DMD: variants seen among roughly 807,000 people sequenced by gnomAD.
DMD encodes dystrophin.
A neutral mutation model predicts 330.1 loss-of-function variants in DMD; 63 were observed. The ratio of observed to expected loss-of-function variants is 0.19; its 90% confidence interval spans 0.16 to 0.24. The LOEUF (loss-of-function observed/expected upper bound fraction) is 0.24, where lower values mean the gene tolerates loss of function less well. DMD is among the 10% of genes least tolerant of loss of function. The pLI, the probability that DMD is intolerant of heterozygous loss-of-function variation, is 1.00. For missense variants in DMD, 3,344 were observed against 2,684.1 expected (o/e 1.25, Z -5.43); for synonymous variants, 1,223 against 959.8 (o/e 1.27, Z -5.07).
At chrX:32,607,799 T>G (rs2056855575) in intron 12 of DMD, among the ~76,000 whole-genome samples, 1 of 110,764 alleles carries the variant, frequency 9.0e-6, no homozygotes, top group South Asian at 3.7e-4. Context: ...AATTAGTTTA[T>G]CTACATTATT....
chrX:32,624,385 G>C (rs1353380152), intron 11 of DMD, among the ~76,000 whole-genome samples: 5 of 111,975 alleles, frequency 4.5e-5, no homozygotes, highest in Non-Finnish European at 9.4e-5. Flanking sequence ...CAATCGTTCA[G>C]ATCATCTGAG....
At chrX:32,162,889 C>A (rs756921265) in intron 44 of DMD, among the ~76,000 whole-genome samples, 8 of 110,036 alleles carry the variant, frequency 7.3e-5, no homozygotes, top group Non-Finnish European at 1.1e-4. Context: ...GAAGACCCTG[C>A]CTGAATAGCC....
intron 44 of DMD, among the ~76,000 whole-genome samples, chrX:31,970,948 A>G (rs2095394021): frequency 9.0e-6 from 1 of 111,712 alleles, no homozygotes; most frequent in South Asian, 3.7e-4. Flanking sequence ...AAGAGTGTCC[A>G]ATACTTACAA....
intron 49 of DMD, among the ~76,000 whole-genome samples, chrX:31,827,301 A>T (rs1424523398): frequency 1.8e-5 from 2 of 112,076 alleles, no homozygotes; most frequent in East Asian, 5.6e-4. Flanking sequence ...GCTTTAAAGC[A>T]ATAACCGTAA....
intron 21 of DMD, among the ~76,000 whole-genome samples, chrX:32,474,084 T>A (rs1257423779): frequency 9.0e-6 from 1 of 111,025 alleles, no homozygotes; most frequent in South Asian, 3.8e-4. Context: ...CAATGTTTGG[T>A]TTTCCATTCC....
intron 44 of DMD, among the ~76,000 whole-genome samples, chrX:32,192,226 T>C (rs1347649063): frequency 1.8e-5 from 2 of 111,776 alleles, no homozygotes; most frequent in Non-Finnish European, 3.8e-5. Flanking sequence ...CAAGTATGCA[T>C]AGTCTTAACT....
intron 47 of DMD, among the ~76,000 whole-genome samples, chrX:31,924,042 TAGAGAA>T (rs924239064): frequency 1.8e-5 from 2 of 112,554 alleles, no homozygotes; most frequent in Non-Finnish European, 3.8e-5. Flanking sequence ...GACTTCCAGC[TAGAGAA>T]ATGATTTCCT....
chrX:33,167,106 AT>A (rs1310064177), intron 1 of DMD, among the ~76,000 whole-genome samples: 1 of 111,211 alleles, frequency 9.0e-6, no homozygotes, highest in Non-Finnish European at 1.9e-5. Context: ...AAACTGACGT[AT>A]TTCTGAGAAG....
chrX:33,137,721 T>A (rs1365048539), intron 1 of DMD, among the ~76,000 whole-genome samples: 2 of 111,561 alleles, frequency 1.8e-5, no homozygotes, highest in African/African-American at 3.3e-5. Context: ...CATTCTGCAG[T>A]TGAGGCAAAA....
At chrX:32,682,708 CA>C (rs1255110412) in intron 9 of DMD, among the ~76,000 whole-genome samples, 1 of 111,597 alleles carries the variant, frequency 9.0e-6, no homozygotes, top group African/African-American at 3.3e-5. Context: ...TTATTAACAC[CA>C]TTCATATTTA....
chrX:32,834,094 T>C (rs892000075), intron 4 of DMD, among the ~76,000 whole-genome samples: 3 of 111,712 alleles, frequency 2.7e-5, no homozygotes, highest in Admixed American at 1.9e-4. Context: ...TTACTATTAA[T>C]GCATTTCGCA....
At chrX:33,124,414 T>C (rs2095445208) in intron 1 of DMD, among the ~76,000 whole-genome samples, 1 of 82,609 alleles carries the variant, frequency 1.2e-5, no homozygotes, top group Admixed American at 1.9e-4. Context: ...GGGCGGAGGT[T>C]GCAGTGAGCC....
chrX:33,177,180 C>T (rs1353453475), intron 1 of DMD, among the ~76,000 whole-genome samples: 2 of 110,838 alleles, frequency 1.8e-5, no homozygotes, highest in African/African-American at 6.6e-5. Flanking sequence ...CACATATGGC[C>T]TTTCAGGCTC....
intron 44 of DMD, among the ~76,000 whole-genome samples, chrX:32,196,998 A>AAAAC (rs1557205977): frequency 6.8e-5 from 7 of 103,366 alleles, no homozygotes; most frequent in East Asian, 3.0e-4. Context: ...AAAAAAAAAA[A>AAAAC]AAAAAAACAA....
At chrX:32,819,963 A>G (rs2078094095) in intron 5 of DMD, among the ~76,000 whole-genome samples, 1 of 111,546 alleles carries the variant, frequency 9.0e-6, no homozygotes, top group Non-Finnish European at 1.9e-5. Flanking sequence ...GCAGTGTGAT[A>G]TAAGAGAGAT....
Position 32,480,019 on chromosome X carries a change from G to A in DMD, c.2803+4900C>T, listed in dbSNP as rs140631944. On this transcript the variant is annotated intron_variant, in intron 21 of 78. Coordinates refer to ENST00000357033, the MANE Select transcript of DMD (RefSeq NM_004006.3). The stretch of plus-strand genomic sequence containing the variant: ...ATTTGCAAACCAAATATCTGGTAAG[G>A]AGTTAATATCCAAAATATATAGAAA... Among the ~76,000 whole-genome samples, 418 of 110,968 alleles carry A rather than the reference G, an allele frequency of 3.8e-3. 2 individuals carry two copies. The highest frequency in any genetic ancestry group is 0.013 in the African/African-American group (395 of 30,612).
At chrX:32,736,771 T>TG (rs1338385599) in intron 7 of DMD, among the ~76,000 whole-genome samples, 1 of 37,947 alleles carries the variant, frequency 2.6e-5, no homozygotes, top group Non-Finnish European at 5.0e-5. Flanking sequence ...TGTGGTGGGG[T>TG]GGGGGGAGGG....
intron 9 of DMD, among the ~76,000 whole-genome samples, chrX:32,660,291 T>C (rs1315043598): frequency 9.0e-6 from 1 of 110,634 alleles, no homozygotes; most frequent in African/African-American, 3.3e-5. Context: ...AGCAATCACT[T>C]CTGATTTGGT....
At chrX:31,443,218 CATG>C (rs921069771) in intron 60 of DMD, among the ~76,000 whole-genome samples, 4 of 111,207 alleles carry the variant, frequency 3.6e-5, no homozygotes, top group African/African-American at 1.3e-4. Flanking sequence ...TGGGGTATAA[CATG>C]GTGTCCTTCA....
Sources: allele counts gnomAD v4.1 joint callset (sites outside exome capture counted in the v4.1 genomes callset), GRCh38; gene constraint gnomAD v4.1.1; transcripts MANE v1.5; gene names NCBI Gene and HGNC (gene_info 2026-07-23, HGNC 2026-07-21).